SUPT5H: variants seen among roughly 807,000 people sequenced by gnomAD.
The protein encoded by SUPT5H is SPT5 homolog, DSIF elongation factor subunit, also known as transcription elongation factor SPT5.
In SUPT5H, 24 loss-of-function variants were observed where a neutral mutation model predicts 142.5. The observed-to-expected ratio is 0.17, with a 90% confidence interval of 0.12 to 0.24. The LOEUF (loss-of-function observed/expected upper bound fraction) is 0.24. Among genes scored for constraint, SUPT5H ranks in the 10% least tolerant of loss-of-function variants. The pLI is 1.00. For missense variants in SUPT5H, 893 were observed against 1,471.8 expected, an observed-to-expected ratio of 0.61 and a Z score of 6.43; for synonymous variants, 546 against 553.0, an observed-to-expected ratio of 0.99 and a Z score of 0.18.
rs1304928184 is a variant in SUPT5H, at chr19:39,458,280, C to T, written c.308-14C>T. On this transcript the variant is annotated splice_polypyrimidine_tract_variant and intron_variant, in intron 4 of 29. Transcript: ENST00000432763. The surrounding 1 kb of genome is among the most constrained non-coding windows in gnomAD (Gnocchi z 4.2). ...ACCACCACCACCACCACCACCTCCTCTTCCTCCAAGTAGAAGAGATTGAAG... is the reference window on the plus strand; with the variant it reads ...ACCACCACCACCACCACCACCTCCTTTTCCTCCAAGTAGAAGAGATTGAAG... The T allele has an allele frequency of 1.7e-6, 2 of 1,156,318 alleles. No homozygotes were observed. Among genetic ancestry groups the T allele is most frequent in the East Asian group, 3.3e-5 (1 of 30,216 alleles). 71.6% of individuals were successfully genotyped at this position (1,156,318 alleles called of 1,614,324 possible). A position where few individuals can be genotyped will look rare whatever the true frequency, so the allele number is the denominator to read the frequency against.
At chr19:39,460,957 A>C (rs1032170023) in intron 10 of SUPT5H, among the ~76,000 whole-genome samples, 1 of 152,030 alleles carries the variant, frequency 6.6e-6, no homozygotes, top group Non-Finnish European at 1.5e-5. Flanking sequence ...AGGGTTTGCA[A>C]ACTATGCTTT....
Position 39,469,180 on chromosome 19 carries a change from A to T in SUPT5H, c.1237+8A>T, listed in dbSNP as rs746136585. 16 of 1,614,014 alleles carry T rather than the reference A, an allele frequency of 9.9e-6. No homozygotes were observed. Among genetic ancestry groups the T allele is most frequent in the Non-Finnish European group, 1.4e-5 (16 of 1,180,010 alleles). On this transcript the variant is annotated splice_region_variant and intron_variant, in intron 15 of 29. Coordinates refer to ENST00000432763, the MANE Select transcript of SUPT5H (RefSeq NM_001111020.3). The surrounding 1 kb of genome is among the most constrained non-coding windows in gnomAD (Gnocchi z 5.1). The stretch of plus-strand genomic sequence containing the variant: ...TGGTGACTGAGAGCACAGGTATTTG[A>T]TCCCCCTCTATAACCTGGGCCAAGG...
At chr19:39,456,215 A>T (rs1394453848) in intron 3 of SUPT5H, among the ~76,000 whole-genome samples, 3 of 144,136 alleles carry the variant, frequency 2.1e-5, no homozygotes, top group Non-Finnish European at 4.6e-5. Flanking sequence ...TTGTGCCCAG[A>T]CCTTTTTTTT....
intron 10 of SUPT5H, among the ~76,000 whole-genome samples, chr19:39,461,009 G>T (rs1184225742): frequency 6.6e-6 from 1 of 152,192 alleles, no homozygotes; most frequent in Non-Finnish European, 1.5e-5. Flanking sequence ...GGCCATGGTG[G>T]CTCATGCCTG....
chr19:39,457,920 G>T, intron 4 of SUPT5H, 180 bp downstream of exon 4: 1 of 1,138,326 alleles, frequency 8.8e-7, no homozygotes, highest in Non-Finnish European at 1.3e-6. Flanking sequence ...AGGCCCATGA[G>T]TGGGGGGTGG....
Position 39,463,921 on chromosome 19 carries a change from A to G in SUPT5H, c.625-877A>G, listed in dbSNP as rs144188815. ...ATGTTTTTTGTTGTCTCTGGTAGCA[A>G]TTTTTGTCTTAAAGTATATTTTGTC... is the stretch of plus-strand genomic sequence containing the variant. On this transcript the variant is annotated intron_variant, in intron 10 of 29. Transcript: ENST00000432763. 2.3e-4 allele frequency among the ~76,000 whole-genome samples: 34 copies of G among 150,938 alleles called. No homozygotes were observed. The East Asian group carries it at 5.8e-3, about 26-fold the overall frequency.
chr19:39,469,957 A>T lies in SUPT5H; in HGVS notation c.1375-162A>T. 1.1e-6 allele frequency: 1 copy of T among 886,406 alleles called. No homozygotes were observed. Among genetic ancestry groups the T allele is most frequent in the African/African-American group, 1.7e-5 (1 of 58,472 alleles). The allele number at this position is 886,406 out of a possible 1,614,324, so 54.9% of individuals were successfully genotyped here. On this transcript the variant is annotated intron_variant, in intron 16 of 29. Coordinates refer to ENST00000432763, the MANE Select transcript of SUPT5H (RefSeq NM_001111020.3). This position sits in a 1 kb window ranked among gnomAD's most constrained non-coding sequence, Gnocchi z 5.1. ...GTCTGGGGTCAGCTGTTTCTGGGGC[A>T]GTCTGAGGGGTCGTCCAGGTGGACT...
chr19:39,474,224 G>A lies in SUPT5H; in HGVS notation c.2652-10G>A. On this transcript the variant is annotated splice_polypyrimidine_tract_variant and intron_variant, in intron 26 of 29. Transcript: ENST00000432763. The surrounding 1 kb of genome is among the most constrained non-coding windows in gnomAD (Gnocchi z 6.5). ...TCCAACAAATGCCCCCTTCTCTCCT[G>A]TCTCTGCAGGTACAACACAGACCAG... The A allele has an allele frequency of 6.2e-7, 1 of 1,613,852 alleles. No homozygotes were observed. Among genetic ancestry groups the A allele is most frequent in the Non-Finnish European group, 8.5e-7 (1 of 1,179,950 alleles).
rs73551826 is a variant in SUPT5H at position 39,469,452 on chromosome 19, G to A, written c.1374+54G>A. ...TTGGAGTGTTCAGGCACATCTGACT[G>A]TATGTGGCTGTCGAGGCGGTGGTGT... On this transcript the variant is annotated intron_variant, in intron 16 of 29. Transcript: ENST00000432763. This position sits in a 1 kb window ranked among gnomAD's most constrained non-coding sequence, Gnocchi z 5.1. 3.0e-4 allele frequency: 480 copies of A among 1,608,434 alleles called. 4 individuals are homozygous for A. In the African/African-American group the frequency reaches 5.9e-3, roughly 20 times the overall value.
In SUPT5H at chr19:39,453,524, A is replaced by G. The variant is rs775770892; in HGVS notation, c.241+3A>G. On this transcript the variant is annotated splice_donor_region_variant and intron_variant, in intron 3 of 29. Transcript: ENST00000432763. ...AGGCTTCATTCTGGACGAGGCTGGT[A>G]TGTCATAGTGCTTGGCCAGTGCCGA... 2.3e-5 allele frequency: 35 copies of G among 1,539,154 alleles called. No homozygotes were observed. The highest frequency in any genetic ancestry group is 2.8e-5 in the Non-Finnish European group (32 of 1,140,664).
Position 39,458,900 on chromosome 19 carries a change from G to A in SUPT5H, c.389+13G>A, listed in dbSNP as rs2146094245. The A allele has an allele frequency of 1.2e-6, 2 of 1,613,800 alleles. No homozygotes were observed. Among genetic ancestry groups the A allele is most frequent in the Non-Finnish European group, 1.7e-6 (2 of 1,179,736 alleles). ...AAAACCTCTGGAGGTGGGCAAGGAA[G>A]GGAAACGTGGTGGGATTGGCTCCTG... On this transcript the variant is annotated intron_variant, in intron 6 of 29. Coordinates refer to ENST00000432763, the MANE Select transcript of SUPT5H (RefSeq NM_001111020.3). The surrounding 1 kb of genome is among the most constrained non-coding windows in gnomAD (Gnocchi z 4.2).
chr19:39,463,292 G>A (rs1415951512), intron 10 of SUPT5H, among the ~76,000 whole-genome samples: 1 of 152,036 alleles, frequency 6.6e-6, no homozygotes, highest in Non-Finnish European at 1.5e-5. Flanking sequence ...ATGAGCCACC[G>A]CTCCTGGCCT....
rs1267176767 is a variant in SUPT5H at position 39,470,225 on chromosome 19, G to A, written c.1481G>A (p.Arg494Gln). 5.0e-6 allele frequency: 8 copies of A among 1,600,334 alleles called. No homozygotes were observed. Among genetic ancestry groups the A allele is most frequent in the Admixed American group, 1.7e-5 (1 of 59,228 alleles). Residue 494 changes from arginine (R) to glutamine (Q), a missense_variant, in exon 17 of 30, where the codon CGG (arginine) becomes CAG (glutamine). Arg to Gln is a conservative substitution (Grantham distance 43). Transcript: ENST00000432763. The surrounding 1 kb of genome is among the most constrained non-coding windows in gnomAD (Gnocchi z 5.8). ...GAGGGCGACACAGGCCTCATTGTGC[G>A]GGTGGAGGAGAATTTCGTTATCCTG... Reference protein sequence around the residue: ...RFEGDTGLIVRVEENFVILFS... With the variant: ...RFEGDTGLIVQVEENFVILFS...
intron 10 of SUPT5H, among the ~76,000 whole-genome samples, chr19:39,463,006 ATTTTTTT>A (rs34217986): frequency 9.0e-4 from 93 of 103,082 alleles, no homozygotes; most frequent in South Asian, 2.0e-3. Context: ...TGCCCAGCTA[ATTTTTTT>A]TTTTTTTTTT....
rs1223010321 is a variant in SUPT5H, at chr19:39,472,688, G to A, written c.2036-122G>A. 1.4e-5 allele frequency: 21 copies of A among 1,457,800 alleles called. No individual in the cohort carries two copies. The highest frequency in any genetic ancestry group is 4.6e-5 in the Admixed American group (2 of 43,736). The allele number at this position is 1,457,800 out of a possible 1,614,324, so 90.3% of individuals were successfully genotyped here. On this transcript the variant is annotated intron_variant, in intron 21 of 29. Transcript: ENST00000432763. The surrounding 1 kb of genome is among the most constrained non-coding windows in gnomAD (Gnocchi z 4.2). ...TCCATAGGAAAGCCATGGGGCAGGG[G>A]TGGGCAGAGGAGGCTCTTAACCCAA...
intron 13 of SUPT5H, among the ~76,000 whole-genome samples, chr19:39,467,274 T>C (rs1347578066): frequency 6.6e-6 from 1 of 151,984 alleles, no homozygotes; most frequent in African/African-American, 2.4e-5. Flanking sequence ...TCCAAGCTAC[T>C]TGGGAGGCTG....
intron 2 of SUPT5H, among the ~76,000 whole-genome samples, chr19:39,452,043 T>C (rs2079028716): frequency 6.6e-6 from 1 of 152,140 alleles, no homozygotes; most frequent in East Asian, 1.9e-4. Flanking sequence ...GGCAGTGTCC[T>C]GGCCTAGGCT....
At chr19:39,464,526 G>C (rs1174177029) in intron 10 of SUPT5H, among the ~76,000 whole-genome samples, 2 of 152,080 alleles carry the variant, frequency 1.3e-5, no homozygotes, top group Non-Finnish European at 2.9e-5. Context: ...CACCCAGCTA[G>C]TTTTTGTATT....
chr19:39,452,364 G>A (rs1010837808), intron 2 of SUPT5H, among the ~76,000 whole-genome samples: 1 of 152,148 alleles, frequency 6.6e-6, no homozygotes. Context: ...CAGGGAGAGA[G>A]GGCATGGAGG....
Sources: allele counts gnomAD v4.1 joint callset (sites outside exome capture counted in the v4.1 genomes callset), GRCh38; gene constraint gnomAD v4.1.1; non-coding constraint Gnocchi (gnomAD v3.1); transcripts MANE v1.5; gene names NCBI Gene and HGNC (gene_info 2026-07-23, HGNC 2026-07-21).